Variants in CCDC148 observed in about 807,000 individuals in gnomAD.
CCDC148 encodes the protein coiled-coil domain containing 148.
A neutral mutation model predicts 85.7 loss-of-function variants in CCDC148; 89 were observed. The ratio of observed to expected loss-of-function variants is 1.04; its 90% confidence interval spans 0.87 to 1.24. The LOEUF (loss-of-function observed/expected upper bound fraction) is 1.24, where lower values mean the gene tolerates loss of function less well. Among genes scored for constraint, CCDC148 ranks in the 50% most tolerant of loss-of-function variants. CCDC148 has a pLI of 0.00. For missense variants in CCDC148, 692 were observed against 671.7 expected (o/e 1.03, Z -0.33); for synonymous variants, 230 against 213.9 (o/e 1.08, Z -0.66).
rs571659270 is a variant in CCDC148 at position 158,315,798 on chromosome 2, CCT to C, written c.765-1906_765-1905del. Among the ~76,000 whole-genome samples, 379 of 152,222 alleles carry C rather than the reference CCT, an allele frequency of 2.5e-3. 1 individual carries two copies. Among genetic ancestry groups the C allele is most frequent in the African/African-American group, 8.5e-3 (352 of 41,540 alleles). On this transcript the variant is annotated intron_variant, in intron 7 of 13. Coordinates refer to ENST00000283233, the MANE Select transcript of CCDC148 (RefSeq NM_138803.4). ...TCTTTAGAGAAGGCTACCCTCCCAC[CCT>C]CTTTCAAAGGCCAACCATAACCAAT...
intron 9 of CCDC148, among the ~76,000 whole-genome samples, chr2:158,259,851 G>C (rs1286210511): frequency 6.6e-6 from 1 of 151,752 alleles, no homozygotes; most frequent in African/African-American, 2.4e-5. Context: ...CTCCATCCCA[G>C]GCCTTGCCTG....
At chr2:158,251,042 G>A in intron 9 of CCDC148, 130 bp from the exon 10 acceptor site, 1 of 749,578 alleles carries the variant, frequency 1.3e-6, no homozygotes, top group Non-Finnish European at 2.1e-6. Context: ...AATTCTATGT[G>A]CACATGACTG....
At chr2:158,344,218 T>C (rs1289542891) in intron 3 of CCDC148, among the ~76,000 whole-genome samples, 2 of 152,118 alleles carry the variant, frequency 1.3e-5, no homozygotes, top group African/African-American at 4.8e-5. Context: ...AAGGTGACTT[T>C]TTGAGGGATA....
intron 1 of CCDC148, among the ~76,000 whole-genome samples, chr2:158,370,017 C>T (rs10181105): frequency 0.18 from 26,963 of 151,984 alleles, 3,922 homozygotes; most frequent in African/African-American, 0.4. Context: ...TTGAAGCCGA[C>T]TTGATCATGG....
At chr2:158,172,330 G>T in intron 13 of CCDC148, 71 bp from the exon 14 acceptor site, 1 of 1,213,964 alleles carries the variant, frequency 8.2e-7, no homozygotes, top group Non-Finnish European at 1.2e-6. Flanking sequence ...TTAGTTCCAT[G>T]TTTTCCCAAA....
intron 11 of CCDC148, among the ~76,000 whole-genome samples, chr2:158,213,538 T>C (rs1475239785): frequency 6.6e-6 from 1 of 152,160 alleles, no homozygotes; most frequent in Non-Finnish European, 1.5e-5. Flanking sequence ...AGATTGAACA[T>C]TGTAATAAGC....
chr2:158,421,906 TATC>T (rs200083789), intron 1 of CCDC148, among the ~76,000 whole-genome samples: 7,096 of 152,062 alleles, frequency 0.047, 242 homozygotes, highest in Non-Finnish European at 0.063. Flanking sequence ...ATAAAGGGGT[TATC>T]ACCACCGATC....
In CCDC148 at chr2:158,406,459, C is replaced by T. The variant is rs1686002048; in HGVS notation, c.26-47889G>A. 2.0e-5 allele frequency among the ~76,000 whole-genome samples: 3 copies of T among 151,902 alleles called. No homozygotes were observed. In the South Asian group the frequency reaches 6.3e-4, roughly 32 times the overall value. On this transcript the variant is annotated intron_variant, in intron 1 of 13. Coordinates refer to ENST00000283233, the MANE Select transcript of CCDC148 (RefSeq NM_138803.4). The stretch of plus-strand genomic sequence containing the variant: ...CCTGTGGGCTAGTGTGAGGTCTGAG[C>T]CATAATTTGACATACAGGGGAGAGG...
intron 1 of CCDC148, among the ~76,000 whole-genome samples, chr2:158,408,636 T>C (rs1686127489): frequency 1.3e-5 from 2 of 152,086 alleles, no homozygotes; most frequent in African/African-American, 4.8e-5. Context: ...TACATACATA[T>C]ATACCACATT....
chr2:158,197,836 T>A (rs973938230), intron 11 of CCDC148, among the ~76,000 whole-genome samples: 2 of 152,152 alleles, frequency 1.3e-5, no homozygotes, highest in African/African-American at 4.8e-5. Flanking sequence ...TATTATAATA[T>A]TTTTGGAATA....
chr2:158,375,143 T>C (rs1370202502), intron 1 of CCDC148, among the ~76,000 whole-genome samples: 1 of 152,088 alleles, frequency 6.6e-6, no homozygotes, highest in Non-Finnish European at 1.5e-5. Flanking sequence ...TGGGTTCTAC[T>C]GGTGAGAACC....
At chr2:158,367,742 T>C (rs1684264993) in intron 1 of CCDC148, among the ~76,000 whole-genome samples, 1 of 152,192 alleles carries the variant, frequency 6.6e-6, no homozygotes, top group Admixed American at 6.6e-5. Flanking sequence ...GAAGACCAAG[T>C]GGAAATACTT....
chr2:158,314,611 T>C (rs1008016493), intron 7 of CCDC148, among the ~76,000 whole-genome samples: 1 of 152,212 alleles, frequency 6.6e-6, no homozygotes, highest in Non-Finnish European at 1.5e-5. Flanking sequence ...TTCTAGACTA[T>C]TAGCAAAGTC....
At position 158,262,764 on chromosome 2, in the gene CCDC148, A is replaced by G. The variant is rs113323902; in HGVS notation, c.1111-11852T>C. Among the ~76,000 whole-genome samples, 384 of 152,140 alleles carry G rather than the reference A, an allele frequency of 2.5e-3. 2 individuals are homozygous for G. The highest frequency in any genetic ancestry group is 8.6e-3 in the African/African-American group (357 of 41,550). On this transcript the variant is annotated intron_variant, in intron 9 of 13. Coordinates refer to ENST00000283233, the MANE Select transcript of CCDC148 (RefSeq NM_138803.4). ...GAACAGCATGGAGAAAGCCGCCCCC[A>G]TGATCCAATCACCTTCCACCAGGTC...
Position 158,366,089 on chromosome 2 carries a change from C to T in CCDC148, c.26-7519G>A, listed in dbSNP as rs111489836. ...ATGTTTTCCGTATCTGTTAAGGAAA[C>T]GAGAGAACTAAAATTTCATAATATT... On this transcript the variant is annotated intron_variant, in intron 1 of 13. Coordinates refer to ENST00000283233, the MANE Select transcript of CCDC148 (RefSeq NM_138803.4). 2.3e-4 allele frequency: 339 copies of T among 1,480,786 alleles called. 1 individual carries two copies. In the African/African-American group the frequency reaches 4.3e-3, roughly 19 times the overall value. The allele number at this position is 1,480,786 out of a possible 1,614,324, so 91.7% of individuals were successfully genotyped here.
chr2:158,359,657 A>G (rs1270610797), intron 1 of CCDC148, among the ~76,000 whole-genome samples: 2 of 152,292 alleles, frequency 1.3e-5, no homozygotes, highest in South Asian at 2.1e-4. Flanking sequence ...CAGCCCAAAT[A>G]CTACACTTTT....
intron 11 of CCDC148, among the ~76,000 whole-genome samples, chr2:158,207,051 A>C (rs1377602693): frequency 1.3e-5 from 2 of 152,198 alleles, no homozygotes; most frequent in Non-Finnish European, 2.9e-5. Context: ...TTTATCGACC[A>C]CTTTCTATTA....
intron 2 of CCDC148, among the ~76,000 whole-genome samples, chr2:158,349,116 C>A (rs1400005265): frequency 6.6e-6 from 1 of 152,022 alleles, no homozygotes; most frequent in Non-Finnish European, 1.5e-5. Flanking sequence ...ATGACCATCA[C>A]ATCTAACTTG....
intron 3 of CCDC148, among the ~76,000 whole-genome samples, chr2:158,341,088 G>A (rs917767656): frequency 5.3e-5 from 8 of 152,078 alleles, no homozygotes; most frequent in African/African-American, 1.4e-4. Flanking sequence ...CCAACAAGGA[G>A]GTAATTTTAA....
Sources: allele counts gnomAD v4.1 joint callset (sites outside exome capture counted in the v4.1 genomes callset), GRCh38; gene constraint gnomAD v4.1.1; transcripts MANE v1.5; gene names NCBI Gene and HGNC (gene_info 2026-07-23, HGNC 2026-07-21).